The following RNF130 variants were observed in gnomAD, a reference collection of about 807,000 sequenced individuals.
The protein encoded by RNF130 is E3 ubiquitin-protein ligase RNF130.
A neutral mutation model predicts 44.6 loss-of-function variants in RNF130; 21 were observed. The ratio of observed to expected loss-of-function variants is 0.47; its 90% CI spans 0.33 to 0.68. RNF130 has a LOEUF of 0.68. Ranked by LOEUF, RNF130 falls within the 30% of genes least tolerant of loss-of-function variation. RNF130 has a pLI of 0.02. For missense variants in RNF130, 479 were observed against 560.6 expected, an observed-to-expected ratio of 0.85 and a Z score of 1.47; for synonymous variants, 214 against 210.4, an observed-to-expected ratio of 1.02 and a Z score of -0.15.
chr5:179,981,938 A>T (rs2113720207), intron 3 of RNF130, among the ~76,000 whole-genome samples: 1 of 152,304 alleles, frequency 6.6e-6, no homozygotes, highest in Non-Finnish European at 1.5e-5. Flanking sequence ...ATATATTTAA[A>T]GTTACAGTTT....
intron 7 of RNF130, among the ~76,000 whole-genome samples, chr5:179,937,627 T>C (rs166032): frequency 0.4 from 60,761 of 151,938 alleles, 13,027 homozygotes; most frequent in East Asian, 0.64. Flanking sequence ...GTTTAGCCAT[T>C]GTGTAAAAGA....
chr5:179,920,302 G>A lies in RNF130; in HGVS notation c.*15C>T, dbSNP rs114664291. The A allele has an allele frequency of 1.8e-3, 1,269 of 692,992 alleles. 13 individuals are homozygous for A. In the African/African-American group the frequency reaches 0.02, roughly 11 times the overall value. The allele number at this position is 692,992 out of a possible 1,614,324, so 42.9% of individuals were successfully genotyped here. ...ACAAAAGCAGTGACCCCAACAGCCA[G>A]GCCATGTTTAAAATTCAGGTTTTGT... is the stretch of plus-strand genomic sequence containing the variant. On this transcript the variant is annotated 3_prime_UTR_variant, in exon 8 of 8. Transcript: ENST00000522208.
intron 3 of RNF130, among the ~76,000 whole-genome samples, chr5:179,983,221 C>T (rs1762878526): frequency 6.6e-6 from 1 of 151,896 alleles, no homozygotes; most frequent in East Asian, 1.9e-4. Flanking sequence ...GAAGCTTTGC[C>T]TATTTCAAGG....
chr5:180,020,777 C>T (rs1440437253), intron 2 of RNF130, among the ~76,000 whole-genome samples: 3 of 152,142 alleles, frequency 2.0e-5, no homozygotes, highest in Admixed American at 6.5e-5. Context: ...TTTCTTCCTT[C>T]ACACACAGAG....
intron 1 of RNF130, among the ~76,000 whole-genome samples, chr5:180,042,705 G>A (rs1764454809): frequency 6.6e-6 from 1 of 152,182 alleles, no homozygotes; most frequent in Non-Finnish European, 1.5e-5. Flanking sequence ...AAAACATACT[G>A]CTGCACAAAC....
rs1250388347 is a variant in RNF130 at position 179,977,988 on chromosome 5, T to C, written c.848+215A>G. ...TGGAGGCCGCGTGCCACATCGCATATTGGCTACACCTCGGAAGGCCGTGCA... is the reference window on the plus strand; with the variant it reads ...TGGAGGCCGCGTGCCACATCGCATACTGGCTACACCTCGGAAGGCCGTGCA... On this transcript the variant is annotated intron_variant, in intron 5 of 8. Transcript: ENST00000521389. The surrounding 1 kb of genome is among the most constrained non-coding windows in gnomAD (Gnocchi z 4.1). Among the ~76,000 whole-genome samples, 1 of 152,244 alleles carries C rather than the reference T, an allele frequency of 6.6e-6. No homozygotes were observed. Among genetic ancestry groups the C allele is most frequent in the Non-Finnish European group, 1.5e-5 (1 of 68,042 alleles).
chr5:179,959,569 G>T (rs920325321), intron 8 of RNF130, among the ~76,000 whole-genome samples: 20 of 151,930 alleles, frequency 1.3e-4, no homozygotes, highest in African/African-American at 4.8e-4. Flanking sequence ...GGAGGTTGTG[G>T]TGAGCTGAGA....
chr5:180,014,976 A>T (rs1365903606), intron 2 of RNF130, among the ~76,000 whole-genome samples: 2 of 152,164 alleles, frequency 1.3e-5, no homozygotes, highest in Non-Finnish European at 2.9e-5. Flanking sequence ...ACAGAGCAAG[A>T]CCCTCAAAAA....
Position 179,966,874 on chromosome 5 carries a change from C to T in RNF130, c.1082G>A (p.Gly361Glu), listed in dbSNP as rs776640089. Residue 361 changes from glycine (G) to glutamate (E), a missense_variant, in exon 7 of 9, where the codon GGG becomes GAG. Around this residue, in one of 3 missense-constraint regions of RNF130, gnomAD observed 161 missense variants for 158.6 expected, o/e 1.02. Coordinates refer to ENST00000521389, the MANE Select transcript of RNF130 (RefSeq NM_018434.6). The part of the protein sequence containing the change: ...SLGLEPLRTS[G>E]ISPLPQDGEL... ...CCCATCCTGAGGAAGAGGTGAGATC[C>T]CCGAAGTTCGAAGTGGCTCAAGGCC... is the stretch of plus-strand genomic sequence containing the variant. 2.5e-6 allele frequency: 4 copies of T among 1,614,178 alleles called. No individual in the cohort carries two copies. Among genetic ancestry groups the T allele is most frequent in the Admixed American group, 3.3e-5 (2 of 60,016 alleles).
chr5:180,023,280 T>G (rs1245365449), intron 2 of RNF130, among the ~76,000 whole-genome samples: 1 of 152,240 alleles, frequency 6.6e-6, no homozygotes, highest in Non-Finnish European at 1.5e-5. Flanking sequence ...TGTATTTCCT[T>G]GTTCTGTCAG....
chr5:179,926,318 G>A (rs1008045671), intron 7 of RNF130, among the ~76,000 whole-genome samples: 3 of 152,104 alleles, frequency 2.0e-5, no homozygotes, highest in Admixed American at 6.5e-5. Context: ...TTTCTGACAC[G>A]TCTCTTCATC....
intron 2 of RNF130, among the ~76,000 whole-genome samples, chr5:180,030,872 A>G (rs369422875): frequency 9.2e-5 from 14 of 152,220 alleles, no homozygotes; most frequent in African/African-American, 3.4e-4. Flanking sequence ...AATTCCATTT[A>G]CAGCTGAGAA....
At chr5:180,035,985 G>C (rs569136273) in intron 2 of RNF130, among the ~76,000 whole-genome samples, 1 of 151,934 alleles carries the variant, frequency 6.6e-6, no homozygotes, top group Non-Finnish European at 1.5e-5. Context: ...TAATTGCTTT[G>C]AAGTTTGTCT....
chr5:179,921,433 C>T (rs920165809), intron 7 of RNF130, among the ~76,000 whole-genome samples: 1 of 152,242 alleles, frequency 6.6e-6, no homozygotes, highest in Non-Finnish European at 1.5e-5. Context: ...TTCACATCTC[C>T]TAGACCTGTA....
At chr5:179,992,243 G>A (rs1404598404) in intron 3 of RNF130, among the ~76,000 whole-genome samples, 2 of 152,164 alleles carry the variant, frequency 1.3e-5, no homozygotes, top group Admixed American at 6.5e-5. Flanking sequence ...CCGAGTTCAC[G>A]CCATTCTCCT....
exon 8 of RNF130, chr5:179,917,256 G>A (rs905605361): frequency 6.6e-6 from 1 of 151,332 alleles, no homozygotes; most frequent in Non-Finnish European, 1.5e-5. Context: ...ACTCCCAGAG[G>A]ATGCTGATGG....
chr5:179,949,559 T>C (rs907157476), intron 7 of RNF130, among the ~76,000 whole-genome samples: 11 of 152,152 alleles, frequency 7.2e-5, no homozygotes, highest in Non-Finnish European at 1.5e-5. Context: ...CAAAAGTTTG[T>C]CCAAGAAGGG....
chr5:179,948,009 C>T (rs1467806023), intron 7 of RNF130, among the ~76,000 whole-genome samples: 1 of 152,166 alleles, frequency 6.6e-6, no homozygotes, highest in African/African-American at 2.4e-5. Flanking sequence ...AGGCTGTGCA[C>T]ATAGTAGGTC....
In RNF130 at chr5:180,038,678, G is replaced by A. The variant is rs141928491; in HGVS notation, c.442+1775C>T. 4.0e-4 allele frequency among the ~76,000 whole-genome samples: 61 copies of A among 151,998 alleles called. 1 individual carries two copies. In the East Asian group the frequency reaches 0.01, roughly 26 times the overall value. On this transcript the variant is annotated intron_variant, in intron 2 of 8. Transcript: ENST00000521389. ...GCTGGGAAATGCTGCATTGATACAG[G>A]CTTCCCATCCTTTTTAAATACAAGT...
Sources: gnomAD v4.1 joint callset for allele counts (sites outside exome capture counted in the v4.1 genomes callset) on GRCh38, gnomAD v4.1.1 for gene constraint, gnomAD v4.1.1 regional missense constraint, Gnocchi (gnomAD v3.1) non-coding constraint, MANE v1.5 for transcripts, NCBI Gene and HGNC (gene_info 2026-07-23, HGNC 2026-07-21) for gene names.